Variants in PPP2R2B observed in about 807,000 individuals in gnomAD.
The protein encoded by PPP2R2B is serine/threonine-protein phosphatase 2A 55 kDa regulatory subunit B beta isoform.
PPP2R2B carries 5 observed loss-of-function variants against 46.0 expected under a neutral mutation model. The ratio of observed to expected loss-of-function variants is 0.11; its 90% confidence interval spans 0.06 to 0.23. The LOEUF (loss-of-function observed/expected upper bound fraction) is 0.23. PPP2R2B is among the 10% of genes least tolerant of loss of function. The pLI, the probability that PPP2R2B is intolerant of heterozygous loss-of-function variation, is 1.00. For missense variants in PPP2R2B, 367 were observed against 575.0 expected, an observed-to-expected ratio of 0.64 and a Z score of 3.70; for synonymous variants, 215 against 206.7, an observed-to-expected ratio of 1.04 and a Z score of -0.34.
At chr5:146,923,002 G>C (rs1763658863) in intron 1 of PPP2R2B, among the ~76,000 whole-genome samples, 1 of 152,178 alleles carries the variant, frequency 6.6e-6, no homozygotes. Flanking sequence ...GATGTCATAG[G>C]AAGCCAAGAA....
chr5:146,594,482 G>T (rs1452247946), intron 8 of PPP2R2B, among the ~76,000 whole-genome samples: 1 of 152,170 alleles, frequency 6.6e-6, no homozygotes, highest in African/African-American at 2.4e-5. Flanking sequence ...GAACCCACTA[G>T]CACGGAGTGG....
chr5:146,690,536 A>G (rs1255508536), intron 5 of PPP2R2B, among the ~76,000 whole-genome samples: 1 of 152,220 alleles, frequency 6.6e-6, no homozygotes, highest in Non-Finnish European at 1.5e-5. Flanking sequence ...AGCCACTCAG[A>G]CTGAGTAGAG....
intron 2 of PPP2R2B, among the ~76,000 whole-genome samples, chr5:147,069,228 T>C (rs762319518): frequency 6.6e-5 from 10 of 152,152 alleles, no homozygotes; most frequent in East Asian, 1.9e-4. Context: ...GACAGCATTT[T>C]ACTATGAGAG....
intron 1 of PPP2R2B, among the ~76,000 whole-genome samples, chr5:146,994,893 A>G (rs771801226): frequency 6.6e-6 from 1 of 152,210 alleles, no homozygotes; most frequent in Non-Finnish European, 1.5e-5. Flanking sequence ...AAGACCAAAA[A>G]GTATATAGGC....
intron 1 of PPP2R2B, among the ~76,000 whole-genome samples, chr5:146,932,987 T>C (rs1308192066): frequency 1.3e-5 from 2 of 152,190 alleles, no homozygotes; most frequent in Non-Finnish European, 2.9e-5. Context: ...CCCAGGAAAC[T>C]GTTTCTTTAC....
rs1379788777 is a variant in PPP2R2B at position 146,856,410 on chromosome 5, C to A, written c.70+21592G>T. On this transcript the variant is annotated intron_variant, in intron 2 of 9. Transcript: ENST00000394411. ...AAAATGTAAATTAACTTGTGTCCCA[C>A]GGAACAAATTTTAAGCAATTGGAAC... is the stretch of plus-strand genomic sequence containing the variant. 5 of 1,003,168 alleles carry A rather than the reference C, an allele frequency of 5.0e-6. No individual in the cohort carries two copies. The East Asian group carries it at 9.7e-5, about 20-fold the overall frequency. 62.1% of individuals were successfully genotyped at this position (1,003,168 alleles called of 1,614,324 possible).
intron 1 of PPP2R2B, among the ~76,000 whole-genome samples, chr5:146,901,730 A>T (rs902910094): frequency 1.3e-5 from 2 of 152,100 alleles, no homozygotes; most frequent in Non-Finnish European, 2.9e-5. Flanking sequence ...AGGAAGATTT[A>T]CTTGGTTAGA....
chr5:146,982,968 T>C (rs1263464571), intron 1 of PPP2R2B, among the ~76,000 whole-genome samples: 1 of 152,132 alleles, frequency 6.6e-6, no homozygotes, highest in East Asian at 1.9e-4. Flanking sequence ...GCTTACGTTT[T>C]CTCAATTAAC....
intron 1 of PPP2R2B, among the ~76,000 whole-genome samples, chr5:146,903,516 C>T (rs1255346523): frequency 6.6e-6 from 1 of 151,716 alleles, no homozygotes; most frequent in African/African-American, 2.4e-5. Context: ...TCACCTCAGC[C>T]TCCTGAGTAG....
At chr5:146,707,167 C>T in intron 2 of PPP2R2B, 1 of 1,593,780 alleles carries the variant, frequency 6.3e-7, no homozygotes, top group South Asian at 1.1e-5. Context: ...CTCCAGCTGC[C>T]GCCTAAGGCT....
At chr5:146,870,142 A>G (rs1761529142) in intron 2 of PPP2R2B, among the ~76,000 whole-genome samples, 1 of 152,078 alleles carries the variant, frequency 6.6e-6, no homozygotes, top group South Asian at 2.1e-4. Flanking sequence ...TTCTTTGACC[A>G]CTTCAGGTTC....
intron 1 of PPP2R2B, among the ~76,000 whole-genome samples, chr5:146,938,160 A>G (rs1486307030): frequency 6.6e-6 from 1 of 152,142 alleles, no homozygotes; most frequent in Admixed American, 6.5e-5. Flanking sequence ...CTGTTATTAA[A>G]CTTGAAGTGC....
chr5:147,061,228 C>T (rs1347334593), intron 2 of PPP2R2B, among the ~76,000 whole-genome samples: 1 of 152,040 alleles, frequency 6.6e-6, no homozygotes, highest in Non-Finnish European at 1.5e-5. Context: ...ACAAACATTA[C>T]ATGAACAAGG....
chr5:146,644,788 A>G (rs1775466429), intron 6 of PPP2R2B, among the ~76,000 whole-genome samples: 1 of 152,222 alleles, frequency 6.6e-6, no homozygotes, highest in Non-Finnish European at 1.5e-5. Context: ...AGATAATTTA[A>G]GTGGTTTTAC....
At chr5:146,878,790 G>C, upstream of PPP2R2B, 8 of 1,282,998 alleles carry the variant, frequency 6.2e-6, no homozygotes, top group Non-Finnish European at 8.1e-6. This position sits in a 1 kb window ranked among gnomAD's most constrained non-coding sequence, Gnocchi z 4.5. Flanking sequence ...TGCATTAAAG[G>C]CGAGGCTCCT....
At chr5:146,877,934 C>G in intron 2 of PPP2R2B, 68 bp downstream of exon 2, 3 of 1,548,484 alleles carry the variant, frequency 1.9e-6, no homozygotes, top group Middle Eastern at 3.4e-4. Flanking sequence ...GCCCAGCTGC[C>G]CAGGAAGCAC....
rs140822349 is a variant in PPP2R2B, at chr5:146,807,559, C to A, written c.70+70443G>T. Among the ~76,000 whole-genome samples, 855 of 152,166 alleles carry A rather than the reference C, an allele frequency of 5.6e-3. 5 individuals carry two copies. Among genetic ancestry groups the A allele is most frequent in the Non-Finnish European group, 8.3e-3 (561 of 67,998 alleles). On this transcript the variant is annotated intron_variant, in intron 2 of 9. Coordinates refer to ENST00000394411, the MANE Select transcript of PPP2R2B (RefSeq NM_181675.4). ...GTATTAAGTACTTTCATATAGACCT[C>A]ATTTCATACTTAAAACAGCCCTGGG...
chr5:146,651,055 AT>A (rs879290835), intron 5 of PPP2R2B, among the ~76,000 whole-genome samples: 20 of 149,988 alleles, frequency 1.3e-4, no homozygotes, highest in African/African-American at 2.0e-4. Context: ...ACATTGTTCT[AT>A]TTTTTTTTTA....
At chr5:146,723,844 C>T (rs529039011) in intron 2 of PPP2R2B, among the ~76,000 whole-genome samples, 113 of 152,256 alleles carry the variant, frequency 7.4e-4, no homozygotes, top group African/African-American at 2.5e-3. Context: ...GCTCCTCCCC[C>T]TCTTGGAGGG....
Sources: allele counts gnomAD v4.1 joint callset (sites outside exome capture counted in the v4.1 genomes callset), GRCh38; gene constraint gnomAD v4.1.1; non-coding constraint Gnocchi (gnomAD v3.1); transcripts MANE v1.5; gene names NCBI Gene and HGNC (gene_info 2026-07-23, HGNC 2026-07-21).